Variants in THSD7B observed in about 807,000 individuals in gnomAD.
THSD7B encodes the protein thrombospondin type 1 domain containing 7B.
A neutral mutation model predicts 213.6 loss-of-function variants in THSD7B; 138 were observed. The ratio of observed to expected loss-of-function variants is 0.65; its 90% CI spans 0.56 to 0.74. The LOEUF (loss-of-function observed/expected upper bound fraction) is 0.74. Among genes scored for constraint, THSD7B ranks in the 30% least tolerant of loss-of-function variants. The probability of loss-of-function intolerance (pLI) is 0.00; values close to 1 mark genes in which losing one functional copy is unlikely to be tolerated. For synonymous variants in THSD7B, 742 were observed against 687.0 expected (o/e 1.08, Z -1.25); for missense variants, 1,931 against 1,991.5 (o/e 0.97, Z 0.58).
chr2:137,196,973 A>T (rs912406605), intron 7 of THSD7B, among the ~76,000 whole-genome samples: 7 of 152,206 alleles, frequency 4.6e-5, no homozygotes, highest in African/African-American at 1.7e-4. Flanking sequence ...GCTCAGCATC[A>T]GTTCTGTGCT....
At chr2:137,539,337 G>C (rs1573693902) in intron 15 of THSD7B, among the ~76,000 whole-genome samples, 1 of 151,690 alleles carries the variant, frequency 6.6e-6, no homozygotes, top group East Asian at 2.0e-4. Flanking sequence ...CAAATGGCTA[G>C]GTGGTTTGGA....
chr2:136,918,244 CT>C (rs1482171110), intron 2 of THSD7B, among the ~76,000 whole-genome samples: 2 of 152,124 alleles, frequency 1.3e-5, no homozygotes, highest in Non-Finnish European at 2.9e-5. Flanking sequence ...CTTAGGTTAT[CT>C]GACTTCTGAT....
intron 2 of THSD7B, among the ~76,000 whole-genome samples, chr2:137,054,909 G>A (rs371304406): frequency 7.9e-5 from 12 of 152,004 alleles, no homozygotes; most frequent in South Asian, 4.2e-4. Flanking sequence ...TTAGGTATTC[G>A]TCTTAATGCT....
At chr2:136,993,298 C>G (rs755027014) in intron 2 of THSD7B, among the ~76,000 whole-genome samples, 1 of 152,166 alleles carries the variant, frequency 6.6e-6, no homozygotes, top group Non-Finnish European at 1.5e-5. Context: ...GCAAGTCAAA[C>G]CAGTGTGCTC....
At chr2:137,298,254 T>A (rs754804452) in intron 12 of THSD7B, among the ~76,000 whole-genome samples, 1 of 152,050 alleles carries the variant, frequency 6.6e-6, no homozygotes, top group Non-Finnish European at 1.5e-5. Context: ...CCCTAGAGAT[T>A]TGTGGAACTT....
chr2:137,584,864 G>C (rs1480933428), intron 17 of THSD7B, among the ~76,000 whole-genome samples: 1 of 152,184 alleles, frequency 6.6e-6, no homozygotes, highest in Non-Finnish European at 1.5e-5. Flanking sequence ...ATGAGTTAGC[G>C]AGGATTCCCT....
intron 2 of THSD7B, among the ~76,000 whole-genome samples, chr2:136,882,840 C>T (rs1683648264): frequency 6.6e-6 from 1 of 152,114 alleles, no homozygotes. Context: ...TCTTAGCTAC[C>T]TCATGCATTA....
intron 2 of THSD7B, among the ~76,000 whole-genome samples, chr2:136,893,394 A>G (rs1443408236): frequency 6.6e-6 from 1 of 152,156 alleles, no homozygotes; most frequent in Non-Finnish European, 1.5e-5. Context: ...GCACCTGGAA[A>G]TGTCTCCCTG....
At chr2:137,637,201 C>G (rs1325712597) in intron 20 of THSD7B, among the ~76,000 whole-genome samples, 1 of 152,206 alleles carries the variant, frequency 6.6e-6, no homozygotes, top group African/African-American at 2.4e-5. Flanking sequence ...TTTCTGAGAT[C>G]TGGCATCCCA....
chr2:137,242,433 G>T, intron 9 of THSD7B, 24 bp from the exon 10 acceptor site: 1 of 1,584,360 alleles, frequency 6.3e-7, no homozygotes, highest in South Asian at 1.1e-5. Flanking sequence ...AAAAGGCATT[G>T]ACATGGTCTT....
intron 18 of THSD7B, among the ~76,000 whole-genome samples, chr2:137,616,876 T>C (rs1239483451): frequency 6.6e-6 from 1 of 152,196 alleles, no homozygotes; most frequent in Non-Finnish European, 1.5e-5. Flanking sequence ...AGGACTGGTA[T>C]AGTTACATTG....
At chr2:136,851,920 A>T (rs1394389220) in intron 1 of THSD7B, among the ~76,000 whole-genome samples, 2 of 105,854 alleles carry the variant, frequency 1.9e-5, no homozygotes, top group East Asian at 5.5e-4. Flanking sequence ...GAGGCCAATA[A>T]TTCAATACAC....
At chr2:137,231,413 T>C (rs1326096076) in intron 8 of THSD7B, among the ~76,000 whole-genome samples, 178 bp downstream of exon 8, 1 of 152,214 alleles carries the variant, frequency 6.6e-6, no homozygotes, top group Non-Finnish European at 1.5e-5. Context: ...GATTCTCTAG[T>C]TAAGCTATAC....
intron 12 of THSD7B, among the ~76,000 whole-genome samples, chr2:137,376,496 T>C (rs1048655140): frequency 1.3e-5 from 2 of 152,174 alleles, no homozygotes; most frequent in African/African-American, 2.4e-5. Flanking sequence ...GATTTGGAAG[T>C]TAGTTGCACA....
At chr2:137,092,533 T>A (rs1256254589) in intron 3 of THSD7B, among the ~76,000 whole-genome samples, 1 of 152,218 alleles carries the variant, frequency 6.6e-6, no homozygotes, top group Non-Finnish European at 1.5e-5. Context: ...TATGGACATT[T>A]ACTATCAATA....
At chr2:137,366,513 A>G (rs1234403082) in intron 12 of THSD7B, among the ~76,000 whole-genome samples, 1 of 152,132 alleles carries the variant, frequency 6.6e-6, no homozygotes, top group South Asian at 2.1e-4. Flanking sequence ...TGTGGACAAA[A>G]TATTTTTTAT....
At chr2:137,635,595 T>A (rs1032951959) in intron 20 of THSD7B, among the ~76,000 whole-genome samples, 1 of 152,210 alleles carries the variant, frequency 6.6e-6, no homozygotes, top group Admixed American at 6.5e-5. Flanking sequence ...GCATGTTTTA[T>A]GTACTCATTA....
chr2:136,798,163 C>A (rs1427737651), intron 1 of THSD7B, among the ~76,000 whole-genome samples: 1 of 151,802 alleles, frequency 6.6e-6, no homozygotes, highest in African/African-American at 2.4e-5. Context: ...AAACCTGATT[C>A]TTTCAGTTTG....
chr2:137,510,297 A>G (rs1558822030), intron 15 of THSD7B, among the ~76,000 whole-genome samples: 3 of 151,434 alleles, frequency 2.0e-5, no homozygotes, highest in Admixed American at 6.6e-5. Flanking sequence ...AGCGATTATA[A>G]CATGCATCTT....
Sources: allele counts gnomAD v4.1 joint callset (sites outside exome capture counted in the v4.1 genomes callset), GRCh38; gene constraint gnomAD v4.1.1; transcripts MANE v1.5; gene names NCBI Gene and HGNC (gene_info 2026-07-23, HGNC 2026-07-21).